Variants in ARPIN observed in about 807,000 individuals in gnomAD.
ARPIN encodes the protein UPF0552 protein C15orf38.
Under a neutral mutation model 25.9 loss-of-function variants are expected in ARPIN, and 23 were observed. The ratio of observed to expected loss-of-function variants is 0.89; its 90% CI spans 0.64 to 1.26. The LOEUF is 1.26. Among genes scored for constraint, ARPIN ranks in the 50% most tolerant of loss-of-function variants. The pLI is 0.00. For synonymous variants in ARPIN, 126 were observed against 131.4 expected (o/e 0.96, Z 0.28); for missense variants, 333 against 312.2 (o/e 1.07, Z -0.50).
intron 4 of ARPIN, 74 bp downstream of exon 4, chr15:89,903,703 A>T: frequency 6.3e-7 from 1 of 1,583,184 alleles, no homozygotes; most frequent in Non-Finnish European, 8.6e-7. Flanking sequence ...CATGAGCTCT[A>T]GGCAGAAGGG....
chr15:89,907,621 G>A (rs904144098), intron 3 of ARPIN, among the ~76,000 whole-genome samples: 5 of 152,078 alleles, frequency 3.3e-5, no homozygotes, highest in Non-Finnish European at 5.9e-5. Flanking sequence ...GGACTTCCCC[G>A]CCTCCAGAAC....
chr15:89,899,341 TCCCAAAG>T lies in ARPIN; in HGVS notation c.*2447_*2453del. The T allele has an allele frequency of 6.6e-6, 1 of 152,408 alleles. No individual in the cohort carries two copies. Among genetic ancestry groups the T allele is most frequent in the Non-Finnish European group, 1.5e-5 (1 of 68,280 alleles). The allele number at this position is 152,408 out of a possible 1,614,324, so 9.4% of individuals were successfully genotyped here. On this transcript the variant is annotated 3_prime_UTR_variant, in exon 6 of 6. Transcript: ENST00000357484. ...CTCAAGTGATCCGCCCACCTCGGCCTCCCAAAGTGCTAAGATTACAGGCGTGAGCGAC... is the reference window on the plus strand; with the variant it reads ...CTCAAGTGATCCGCCCACCTCGGCCTTGCTAAGATTACAGGCGTGAGCGAC...
chr15:89,911,862 C>T (rs1033987894), intron 1 of ARPIN, among the ~76,000 whole-genome samples: 2 of 152,136 alleles, frequency 1.3e-5, no homozygotes, highest in Non-Finnish European at 2.9e-5. Context: ...AGTCTTGCTC[C>T]ATCGCCCAGG....
chr15:89,910,034 G>C (rs758457663), intron 2 of ARPIN, among the ~76,000 whole-genome samples: 11 of 152,214 alleles, frequency 7.2e-5, no homozygotes, highest in Non-Finnish European at 1.3e-4. Flanking sequence ...GCTCTGATGG[G>C]TGTTCCCACC....
rs185283178 is a variant in ARPIN, at chr15:89,896,316, C to T, written c.*5479G>A. The stretch of plus-strand genomic sequence containing the variant: ...GAATTATGAAGAAGAACTAGCTCTG[C>T]CAACTATGAAAACCTACTTTGATGG... On this transcript the variant is annotated 3_prime_UTR_variant, in exon 6 of 6. Transcript: ENST00000357484. 2.0e-5 allele frequency: 3 copies of T among 152,232 alleles called. No homozygotes were observed. Among genetic ancestry groups the T allele is most frequent in the East Asian group, 1.9e-4 (1 of 5,194 alleles). 9.4% of individuals were successfully genotyped at this position (152,232 alleles called of 1,614,324 possible). A position where few individuals can be genotyped will look rare whatever the true frequency, so the allele number is the denominator to read the frequency against.
chr15:89,901,525 TAAAGGG>T lies in ARPIN; in HGVS notation c.*264_*269del. 3 of 490,144 alleles carry T rather than the reference TAAAGGG, an allele frequency of 6.1e-6. No individual in the cohort carries two copies. Among genetic ancestry groups the T allele is most frequent in the African/African-American group, 4.0e-5 (2 of 50,604 alleles). The allele number at this position is 490,144 out of a possible 1,614,324, so 30.4% of individuals were successfully genotyped here. A position where few individuals can be genotyped will look rare whatever the true frequency, so the allele number is the denominator to read the frequency against. ...GAGACCTCCATCTCTAATTTTTTTTTAAAGGGTCATCATGTAATGTCTAGGAAGGCT... is the reference window on the plus strand; with the variant it reads ...GAGACCTCCATCTCTAATTTTTTTTTTCATCATGTAATGTCTAGGAAGGCT... On this transcript the variant is annotated 3_prime_UTR_variant, in exon 6 of 6. Coordinates refer to ENST00000357484, the MANE Select transcript of ARPIN (RefSeq NM_182616.4).
rs1896907784 is a variant in ARPIN, at chr15:89,895,036, T to C, written c.*6759A>G. On this transcript the variant is annotated 3_prime_UTR_variant, in exon 6 of 6. Transcript: ENST00000357484. ...AGCTCTAGAATTTATGATAAAATGATTGTGGATGTGTGAAAAGATTTAGCC... is the reference window on the plus strand; with the variant it reads ...AGCTCTAGAATTTATGATAAAATGACTGTGGATGTGTGAAAAGATTTAGCC... The C allele has an allele frequency of 6.6e-6, 1 of 151,600 alleles. No homozygotes were observed. The highest frequency in any genetic ancestry group is 1.5e-5 in the Non-Finnish European group (1 of 67,946). The allele number at this position is 151,600 out of a possible 1,614,324, so 9.4% of individuals were successfully genotyped here. A position where few individuals can be genotyped will look rare whatever the true frequency, so the allele number is the denominator to read the frequency against.
chr15:89,911,675 T>C (rs186229955), intron 1 of ARPIN, among the ~76,000 whole-genome samples: 1 of 152,238 alleles, frequency 6.6e-6, no homozygotes, highest in African/African-American at 2.4e-5. Context: ...GTACACACTA[T>C]GTAATGATTA....
rs1396985388 is a variant in ARPIN at position 89,899,505 on chromosome 15, C to T, written c.*2290G>A. The T allele has an allele frequency of 6.6e-6, 1 of 152,262 alleles. No individual in the cohort carries two copies. Among genetic ancestry groups the T allele is most frequent in the Non-Finnish European group, 1.5e-5 (1 of 68,086 alleles). The allele number at this position is 152,262 out of a possible 1,614,324, so 9.4% of individuals were successfully genotyped here. On this transcript the variant is annotated 3_prime_UTR_variant, in exon 6 of 6. Coordinates refer to ENST00000357484, the MANE Select transcript of ARPIN (RefSeq NM_182616.4). ...TGCTAAACAGCAGGTCACCCGGAAA[C>T]ATAACATCACTACTTGTGCACCACA...
intron 5 of ARPIN, chr15:89,902,938 A>G: frequency 7.3e-7 from 1 of 1,377,870 alleles, no homozygotes; most frequent in Non-Finnish European, 9.4e-7. Flanking sequence ...CTTAATGACC[A>G]TGATTAATAT....
rs754383044 is a variant in ARPIN at position 89,898,739 on chromosome 15, T to G, written c.*3056A>C. 1.3e-5 allele frequency: 2 copies of G among 152,108 alleles called. No homozygotes were observed. The highest frequency in any genetic ancestry group is 2.9e-5 in the Non-Finnish European group (2 of 68,032). The allele number at this position is 152,108 out of a possible 1,614,324, so 9.4% of individuals were successfully genotyped here. A position where few individuals can be genotyped will look rare whatever the true frequency, so the allele number is the denominator to read the frequency against. ...GAGCTCTGAGTTGTATTAAGGAATT[T>G]GAACTTTTCATCTGGGGAGTAATAG... On this transcript the variant is annotated 3_prime_UTR_variant, in exon 6 of 6. Transcript: ENST00000357484.
rs1252724175 is a variant in ARPIN at position 89,901,030 on chromosome 15, T to C, written c.*765A>G. ...GCTGTTGGCCTCTCTGGGAATGGCA[T>C]CTACCAGGAAAGCAGCCAGGGATGT... is the stretch of plus-strand genomic sequence containing the variant. On this transcript the variant is annotated 3_prime_UTR_variant, in exon 6 of 6. Transcript: ENST00000357484. 6.6e-6 allele frequency: 1 copy of C among 152,190 alleles called. No homozygotes were observed. Among genetic ancestry groups the C allele is most frequent in the African/African-American group, 2.4e-5 (1 of 41,424 alleles). The allele number at this position is 152,190 out of a possible 1,614,324, so 9.4% of individuals were successfully genotyped here. A position where few individuals can be genotyped will look rare whatever the true frequency, so the allele number is the denominator to read the frequency against.
chr15:89,896,649 CA>C lies in ARPIN; in HGVS notation c.*5145del, dbSNP rs1470209075. 2.6e-5 allele frequency: 4 copies of C among 151,926 alleles called. No individual in the cohort carries two copies. The highest frequency in any genetic ancestry group is 6.6e-5 in the Admixed American group (1 of 15,258). 9.4% of individuals were successfully genotyped at this position (151,926 alleles called of 1,614,324 possible). A position where few individuals can be genotyped will look rare whatever the true frequency, so the allele number is the denominator to read the frequency against. On this transcript the variant is annotated 3_prime_UTR_variant, in exon 6 of 6. Transcript: ENST00000357484. ...TGGAAAAATCGTTGTTAAAATATGG[CA>C]AATGGTTATATTTAAAATGCAAATA...
At chr15:89,909,024 C>T (rs1019079134) in intron 2 of ARPIN, among the ~76,000 whole-genome samples, 3 of 152,016 alleles carry the variant, frequency 2.0e-5, no homozygotes, top group Non-Finnish European at 4.4e-5. Context: ...AACCCAAGCC[C>T]GAGGACCGCA....
chr15:89,904,007 G>A (rs760701923), intron 3 of ARPIN, 24 bp from the exon 4 acceptor site: 6 of 1,578,640 alleles, frequency 3.8e-6, no homozygotes, highest in Admixed American at 3.4e-5. Flanking sequence ...GCGCAGGAGG[G>A]TCATTATCAC....
rs1242267131 is a variant in ARPIN, at chr15:89,912,746, CT to C, written c.89del (p.Gln30ArgfsTer12). 2.0e-6 allele frequency: 3 copies of C among 1,472,084 alleles called. No individual in the cohort carries two copies. Among genetic ancestry groups the C allele is most frequent in the Admixed American group, 4.6e-5 (2 of 43,248 alleles). 91.2% of individuals were successfully genotyped at this position (1,472,084 alleles called of 1,614,324 possible). The part of the protein sequence containing the change: ...LPGAWDPAAH[Q>X]GGNGVLLEGE... ...CGAGGCCGTGAGCCCAGGCCTACCC[CT>C]GGTGGGCGGCGGGGTCCCAGGCCCC... On this transcript the variant is annotated frameshift_variant, in exon 1 of 6. Transcript: ENST00000357484. LOFTEE classifies it high-confidence loss of function.
chr15:89,900,628 AG>A lies in ARPIN; in HGVS notation c.*1166del, dbSNP rs978077151. 3.9e-5 allele frequency: 6 copies of A among 152,206 alleles called. No homozygotes were observed. The highest frequency in any genetic ancestry group is 1.4e-4 in the African/African-American group (6 of 41,434). 9.4% of individuals were successfully genotyped at this position (152,206 alleles called of 1,614,324 possible). A position where few individuals can be genotyped will look rare whatever the true frequency, so the allele number is the denominator to read the frequency against. On this transcript the variant is annotated 3_prime_UTR_variant, in exon 6 of 6. Transcript: ENST00000357484. The stretch of plus-strand genomic sequence containing the variant: ...CATCTAGCATTGTGTTCGACACATT[AG>A]GGGGACTCCATAATTATTAGTTCAC...
At chr15:89,902,225 A>G (rs1405948216) in intron 5 of ARPIN, among the ~76,000 whole-genome samples, 1 of 151,934 alleles carries the variant, frequency 6.6e-6, no homozygotes, top group East Asian at 1.9e-4. Flanking sequence ...CCAGCCCAAC[A>G]TGGAGAAACC....
chr15:89,904,400 A>G (rs1335734411), intron 3 of ARPIN, among the ~76,000 whole-genome samples: 3 of 152,320 alleles, frequency 2.0e-5, no homozygotes, highest in Admixed American at 6.5e-5. Flanking sequence ...AGAGAAGTTC[A>G]GTAATTAGCT....
Sources: allele counts gnomAD v4.1 joint callset (sites outside exome capture counted in the v4.1 genomes callset), GRCh38; gene constraint gnomAD v4.1.1; transcripts MANE v1.5; gene names NCBI Gene and HGNC (gene_info 2026-07-23, HGNC 2026-07-21).